The following ADARB2 variants were observed in gnomAD, a reference collection of about 807,000 sequenced individuals.
The protein encoded by ADARB2 is adenosine deaminase RNA specific B2 (inactive), also known as inactive double-stranded RNA-specific editase B2.
Under a neutral mutation model 62.2 loss-of-function variants are expected in ADARB2, and 25 were observed. The ratio of observed to expected loss-of-function variants is 0.40; its 90% confidence interval spans 0.29 to 0.56. ADARB2 has a LOEUF of 0.56. Ranked by LOEUF, ADARB2 falls within the 20% of genes least tolerant of loss-of-function variation. The pLI, the probability that ADARB2 is intolerant of heterozygous loss-of-function variation, is 0.43. For missense variants in ADARB2, 1,071 were observed against 1,077.4 expected, an observed-to-expected ratio of 0.99 and a Z score of 0.08; for synonymous variants, 572 against 500.8, an observed-to-expected ratio of 1.14 and a Z score of -1.90.
intron 1 of ADARB2, among the ~76,000 whole-genome samples, chr10:1,548,547 A>G (rs1321754259): frequency 6.6e-6 from 1 of 152,228 alleles, no homozygotes; most frequent in East Asian, 1.9e-4. Context: ...GAGATATCGC[A>G]GCCAAGATAC....
At chr10:1,680,294 A>G (rs7089727) in intron 1 of ADARB2, among the ~76,000 whole-genome samples, 138,486 of 149,008 alleles carry the variant, frequency 0.93, 64,721 homozygotes, top group South Asian at 0.98. Context: ...TTCTCTCATC[A>G]TCCATACTCT....
At chr10:1,689,987 T>G (rs10794786) in intron 1 of ADARB2, among the ~76,000 whole-genome samples, 58,827 of 151,928 alleles carry the variant, frequency 0.39, 11,959 homozygotes, top group Non-Finnish European at 0.46. Flanking sequence ...TTTTTTTGTT[T>G]TTGTTTTTTG....
intron 1 of ADARB2, among the ~76,000 whole-genome samples, chr10:1,463,399 G>C (rs918931414): frequency 6.6e-6 from 1 of 152,182 alleles, no homozygotes; most frequent in East Asian, 1.9e-4. Context: ...GCAAAGAGGA[G>C]CGTGTCCTGG....
chr10:1,401,513 C>T lies in ADARB2; in HGVS notation c.101-22353G>A, dbSNP rs76034793. 3.8e-3 allele frequency among the ~76,000 whole-genome samples: 578 copies of T among 152,300 alleles called. 3 individuals carry two copies. Among genetic ancestry groups the T allele is most frequent in the African/African-American group, 0.013 (536 of 41,564 alleles). On this transcript the variant is annotated intron_variant, in intron 1 of 9. Coordinates refer to ENST00000381312, the MANE Select transcript of ADARB2 (RefSeq NM_018702.4). The stretch of plus-strand genomic sequence containing the variant: ...CTCCGGTGATGGTCCCAGCTCCCTT[C>T]CCACAAAGGCCAGGTGCAGCCTTGG...
At chr10:1,240,539 T>G (rs1830907908) in intron 5 of ADARB2, 1 of 152,568 alleles carries the variant, frequency 6.6e-6, no homozygotes, top group Admixed American at 6.5e-5. Flanking sequence ...GTGCCTGCAC[T>G]CTGCCCACAG....
At chr10:1,242,069 G>C in intron 5 of ADARB2, 62 bp downstream of exon 5, 1 of 1,511,434 alleles carries the variant, frequency 6.6e-7, no homozygotes, top group Non-Finnish European at 8.8e-7. Flanking sequence ...GGCCCCATCT[G>C]CTCCCTGGCA....
At chr10:1,510,096 T>TTTCTTTC (rs1564312412) in intron 1 of ADARB2, among the ~76,000 whole-genome samples, 2 of 124,760 alleles carry the variant, frequency 1.6e-5, no homozygotes, top group Admixed American at 9.3e-5. Context: ...TCTCTCTCTC[T>TTTCTTTC]TTTCTTTCTT....
At chr10:1,510,093 C>T (rs1464897138) in intron 1 of ADARB2, among the ~76,000 whole-genome samples, 7 of 136,288 alleles carry the variant, frequency 5.1e-5, no homozygotes, top group Non-Finnish European at 8.0e-5. Context: ...CTCTCTCTCT[C>T]TCTTTTCTTT....
intron 1 of ADARB2, among the ~76,000 whole-genome samples, chr10:1,421,149 G>A (rs1162999109): frequency 6.6e-6 from 1 of 151,954 alleles, no homozygotes; most frequent in Non-Finnish European, 1.5e-5. Flanking sequence ...GAGGGCGGGG[G>A]CTCCTTCAGA....
chr10:1,654,785 G>T (rs954093382), intron 1 of ADARB2, among the ~76,000 whole-genome samples: 7 of 152,242 alleles, frequency 4.6e-5, no homozygotes, highest in Non-Finnish European at 1.0e-4. Flanking sequence ...GGTTGGCCCT[G>T]CATGCTTCTG....
At chr10:1,416,304 A>G (rs1431257248) in intron 1 of ADARB2, among the ~76,000 whole-genome samples, 1 of 152,274 alleles carries the variant, frequency 6.6e-6, no homozygotes, top group Non-Finnish European at 1.5e-5. Flanking sequence ...TGGGCAACTC[A>G]TGCTGCCAAA....
At chr10:1,525,616 G>A (rs1434354265) in intron 1 of ADARB2, among the ~76,000 whole-genome samples, 1 of 152,136 alleles carries the variant, frequency 6.6e-6, no homozygotes, top group African/African-American at 2.4e-5. Context: ...TTACCTCGGA[G>A]GGGTTGTATG....
At chr10:1,641,503 T>G (rs1289914794) in intron 1 of ADARB2, among the ~76,000 whole-genome samples, 1 of 152,220 alleles carries the variant, frequency 6.6e-6, no homozygotes, top group Non-Finnish European at 1.5e-5. Context: ...CAGAAGCTAC[T>G]GGGGTTTTAG....
At chr10:1,416,952 A>G (rs1832809513) in intron 1 of ADARB2, among the ~76,000 whole-genome samples, 1 of 152,198 alleles carries the variant, frequency 6.6e-6, no homozygotes, top group African/African-American at 2.4e-5. Flanking sequence ...CCATGTGGAG[A>G]CATCAGACCC....
chr10:1,373,512 A>T (rs1423082089), intron 2 of ADARB2, among the ~76,000 whole-genome samples: 1 of 152,028 alleles, frequency 6.6e-6, no homozygotes, highest in African/African-American at 2.4e-5. Flanking sequence ...TGCACATGTA[A>T]TTGTGCATGT....
intron 1 of ADARB2, among the ~76,000 whole-genome samples, chr10:1,600,160 A>G (rs182176056): frequency 1.7e-4 from 26 of 152,266 alleles, no homozygotes; most frequent in Admixed American, 8.5e-4. Context: ...ATAGTGCAGA[A>G]ATGGGAGTGG....
intron 1 of ADARB2, among the ~76,000 whole-genome samples, chr10:1,625,431 G>A (rs1358379145): frequency 2.0e-5 from 3 of 152,198 alleles, no homozygotes; most frequent in Non-Finnish European, 2.9e-5. Flanking sequence ...CCTTGGCGCT[G>A]GTGGGGTGTT....
At chr10:1,438,773 C>T (rs1185891022) in intron 1 of ADARB2, among the ~76,000 whole-genome samples, 9 of 147,598 alleles carry the variant, frequency 6.1e-5, no homozygotes, top group South Asian at 2.2e-4. Context: ...TGAGTCTCTC[C>T]CAGGATGGAG....
chr10:1,396,813 G>A (rs56205513), intron 1 of ADARB2, among the ~76,000 whole-genome samples: 413 of 32,126 alleles, frequency 0.013, 5 homozygotes, highest in East Asian at 0.042. Context: ...CTGGGTCACC[G>A]TCCTCCTCTC....
Sources: allele counts gnomAD v4.1 joint callset (sites outside exome capture counted in the v4.1 genomes callset), GRCh38; gene constraint gnomAD v4.1.1; transcripts MANE v1.5; gene names NCBI Gene and HGNC (gene_info 2026-07-23, HGNC 2026-07-21).